The following PCDHA5 variants were observed in gnomAD, a reference collection of about 807,000 sequenced individuals.
PCDHA5 encodes protocadherin alpha 5, also known as protocadherin alpha-5.
PCDHA5 carries 43 observed loss-of-function variants against 61.6 expected under a neutral mutation model. The ratio of observed to expected loss-of-function variants is 0.70; its 90% CI spans 0.55 to 0.90. PCDHA5 has a LOEUF of 0.90. Ranked by LOEUF, PCDHA5 falls within the 40% of genes least tolerant of loss-of-function variation. The pLI, the probability that PCDHA5 is intolerant of heterozygous loss-of-function variation, is 0.00. For synonymous variants in PCDHA5, 627 were observed against 543.9 expected (o/e 1.15, Z -2.13); for missense variants, 1,298 against 1,222.7 (o/e 1.06, Z -0.92).
chr5:140,834,789 A>G lies in PCDHA5; in HGVS notation c.2352+10662A>G, dbSNP rs1164245907. 4 of 1,613,586 alleles carry G rather than the reference A, an allele frequency of 2.5e-6. No homozygotes were observed. The African/African-American group carries it at 5.3e-5, about 22-fold the overall frequency. Reference sequence around the variant, plus strand: ...CGACAACCCTCCGGTGTTCCCAGCGACACAAAGGAATCTGTTCATCGCGGA... The same window carrying G: ...CGACAACCCTCCGGTGTTCCCAGCGGCACAAAGGAATCTGTTCATCGCGGA... On this transcript the variant is annotated intron_variant, in intron 1 of 3. Coordinates refer to ENST00000529859, the MANE Select transcript of PCDHA5 (RefSeq NM_018908.3).
chr5:140,857,826 T>G, intron 1 of PCDHA5: 1 of 1,597,464 alleles, frequency 6.3e-7, no homozygotes, highest in Non-Finnish European at 8.6e-7. Context: ...GTGGCTAAGG[T>G]GCGCGCAGTG....
At chr5:140,894,506 A>G (rs533835142) in intron 1 of PCDHA5, among the ~76,000 whole-genome samples, 2 of 151,922 alleles carry the variant, frequency 1.3e-5, no homozygotes, top group Non-Finnish European at 2.9e-5. Flanking sequence ...GGCATTATCC[A>G]TAGTGTTTAT....
Position 141,010,422 on chromosome 5 carries a change from G to A in PCDHA5, c.*485G>A. The A allele has an allele frequency of 8.7e-7, 1 of 1,145,442 alleles. No homozygotes were observed. Among genetic ancestry groups the A allele is most frequent in the Non-Finnish European group, 1.2e-6 (1 of 836,490 alleles). The allele number at this position is 1,145,442 out of a possible 1,614,324, so 71.0% of individuals were successfully genotyped here. A position where few individuals can be genotyped will look rare whatever the true frequency, so the allele number is the denominator to read the frequency against. On this transcript the variant is annotated 3_prime_UTR_variant, in exon 4 of 4. Transcript: ENST00000529859. ...AGCTTAGACTAATTGGTACAAGGAA[G>A]GCAAGAAAACAAAGACAAATAAACA... is the stretch of plus-strand genomic sequence containing the variant.
At chr5:141,000,429 T>A (rs1327595966) in intron 3 of PCDHA5, among the ~76,000 whole-genome samples, 40 of 124,862 alleles carry the variant, frequency 3.2e-4, no homozygotes, top group African/African-American at 1.1e-3. Flanking sequence ...ATATTTTTTT[T>A]TTTTTTTTTT....
Position 140,881,024 on chromosome 5 carries a change from A to G in PCDHA5, c.2352+56897A>G, listed in dbSNP as rs1330072249. Among the ~76,000 whole-genome samples the G allele has an allele frequency of 1.1e-4, 17 of 152,246 alleles. 1 individual carries two copies. Among genetic ancestry groups the G allele is most frequent in the Admixed American group, 5.2e-4 (8 of 15,290 alleles). ...GAGCAGAGCTATGGAAATAAACCCA[A>G]CAGTCATTTCCTATAGAGTTGTGCA... On this transcript the variant is annotated intron_variant, in intron 1 of 3. Coordinates refer to ENST00000529859, the MANE Select transcript of PCDHA5 (RefSeq NM_018908.3).
At chr5:140,969,608 CAG>C in intron 1 of PCDHA5, 1 of 747,330 alleles carries the variant, frequency 1.3e-6, no homozygotes, top group South Asian at 2.1e-5. Flanking sequence ...TGCTAAAACA[CAG>C]ATTTGTAGAG....
chr5:140,859,677 A>G (rs942745951), intron 1 of PCDHA5: 1 of 154,782 alleles, frequency 6.5e-6, no homozygotes, highest in South Asian at 2.0e-4. Context: ...GCTTCAAATA[A>G]AATTAAAATT....
In PCDHA5 at chr5:140,877,646, C is replaced by T. The variant is rs782472866; in HGVS notation, c.2352+53519C>T. 7 of 1,613,560 alleles carry T rather than the reference C, an allele frequency of 4.3e-6. No individual in the cohort carries two copies. The Admixed American group carries it at 6.7e-5, about 15-fold the overall frequency. On this transcript the variant is annotated intron_variant, in intron 1 of 3. Coordinates refer to ENST00000529859, the MANE Select transcript of PCDHA5 (RefSeq NM_018908.3). ...CTGTACACTGCGCTGCGTTGCTCAG[C>T]GCCGCCCACCGTGAGCCGGTGCGCG...
intron 1 of PCDHA5, chr5:140,856,830 T>C (rs1554149191): frequency 2.5e-6 from 4 of 1,592,726 alleles, no homozygotes; most frequent in Non-Finnish European, 3.4e-6. Context: ...ACATTAGTAA[T>C]ACGGCTCAAC....
intron 1 of PCDHA5, chr5:140,870,894 T>C (rs2052511877): frequency 1.2e-6 from 2 of 1,613,938 alleles, no homozygotes; most frequent in East Asian, 2.2e-5. Flanking sequence ...GCGCAGTGGA[T>C]GCGGACTCAG....
intron 1 of PCDHA5, among the ~76,000 whole-genome samples, chr5:140,935,284 A>G (rs576807866): frequency 6.6e-6 from 1 of 152,340 alleles, no homozygotes; most frequent in South Asian, 2.1e-4. Context: ...AATAAAGTTC[A>G]GCACTCCGAG....
chr5:140,922,652 T>C (rs371970165), intron 1 of PCDHA5, among the ~76,000 whole-genome samples: 4 of 152,156 alleles, frequency 2.6e-5, no homozygotes, highest in African/African-American at 9.7e-5. Context: ...ACAGTAAATA[T>C]GGCTATACTG....
rs782508103 is a variant in PCDHA5, at chr5:140,856,192, G to T, written c.2352+32065G>T. ...ACGGCACCTTCGTGGGCCGCATCGCGCAGGACCTGGGGCTGGAGCTGGCGG... is the reference window on the plus strand; with the variant it reads ...ACGGCACCTTCGTGGGCCGCATCGCTCAGGACCTGGGGCTGGAGCTGGCGG... On this transcript the variant is annotated intron_variant, in intron 1 of 3. Coordinates refer to ENST00000529859, the MANE Select transcript of PCDHA5 (RefSeq NM_018908.3). The T allele has an allele frequency of 3.7e-5, 59 of 1,598,180 alleles. 4 individuals carry two copies. Among genetic ancestry groups the T allele is most frequent in the South Asian group, 2.8e-4 (25 of 90,510 alleles).
intron 1 of PCDHA5, chr5:140,857,804 G>T: frequency 6.3e-7 from 1 of 1,597,858 alleles, no homozygotes. Context: ...GTCGGTGGTT[G>T]CGGGTCACGT....
chr5:140,879,806 T>C (rs2058125905), intron 1 of PCDHA5, among the ~76,000 whole-genome samples: 1 of 152,250 alleles, frequency 6.6e-6, no homozygotes, highest in Non-Finnish European at 1.5e-5. Context: ...CCAGTTTCTA[T>C]TGGCTGTTGG....
chr5:140,870,224 C>T, intron 1 of PCDHA5: 1 of 1,614,184 alleles, frequency 6.2e-7, no homozygotes, highest in Admixed American at 1.7e-5. Flanking sequence ...ATCAGCGTGT[C>T]TGACCGTGAC....
At position 140,910,081 on chromosome 5, in the gene PCDHA5, A is replaced by G. The variant is rs183187398; in HGVS notation, c.2353-68868A>G. 2.8e-3 allele frequency among the ~76,000 whole-genome samples: 421 copies of G among 152,330 alleles called. 2 individuals are homozygous for G. Among genetic ancestry groups the G allele is most frequent in the Middle Eastern group, 0.014 (4 of 294 alleles). On this transcript the variant is annotated intron_variant, in intron 1 of 3. Coordinates refer to ENST00000529859, the MANE Select transcript of PCDHA5 (RefSeq NM_018908.3). Reference sequence around the variant, plus strand: ...CTTTTAACAGCGTAAATTGTTGTCAAGGGGAACCAGCCTCCCCTTCATTTA... The same window carrying G: ...CTTTTAACAGCGTAAATTGTTGTCAGGGGGAACCAGCCTCCCCTTCATTTA...
intron 3 of PCDHA5, among the ~76,000 whole-genome samples, chr5:140,986,633 C>T (rs566373023): frequency 5.9e-5 from 9 of 152,266 alleles, no homozygotes; most frequent in Admixed American, 3.3e-4. Context: ...GGCAACAGTA[C>T]ATTAGTTTTA....
Position 141,002,363 on chromosome 5 carries a change from A to G in PCDHA5, c.2501-7264A>G, listed in dbSNP as rs75749580. On this transcript the variant is annotated intron_variant, in intron 3 of 3. Transcript: ENST00000529859. ...CCTTCCCCCACCTCCACTCCTTTCAACTCATTCTGGCTTAGGGCTCCTGCT... is the reference window on the plus strand; with the variant it reads ...CCTTCCCCCACCTCCACTCCTTTCAGCTCATTCTGGCTTAGGGCTCCTGCT... Among the ~76,000 whole-genome samples, 567 of 152,272 alleles carry G rather than the reference A, an allele frequency of 3.7e-3. 5 individuals are homozygous for G. Among genetic ancestry groups the G allele is most frequent in the African/African-American group, 0.013 (537 of 41,558 alleles).
Sources: gnomAD v4.1 joint callset for allele counts (sites outside exome capture counted in the v4.1 genomes callset) on GRCh38, gnomAD v4.1.1 for gene constraint, MANE v1.5 for transcripts, NCBI Gene and HGNC (gene_info 2026-07-23, HGNC 2026-07-21) for gene names.